Variants in PLA2G6 observed in about 807,000 individuals in gnomAD.
PLA2G6 encodes phospholipase A2 group VI.
Under a neutral mutation model 83.8 loss-of-function variants are expected in PLA2G6, and 62 were observed. The ratio of observed to expected loss-of-function variants is 0.74; its 90% confidence interval spans 0.60 to 0.91. The LOEUF is 0.91. Ranked by LOEUF, PLA2G6 falls within the 40% of genes least tolerant of loss-of-function variation. The probability of loss-of-function intolerance (pLI) is 0.00; values close to 1 mark genes in which losing one functional copy is unlikely to be tolerated. For missense variants in PLA2G6, 944 were observed against 1,102.0 expected, an observed-to-expected ratio of 0.86 and a Z score of 2.03; for synonymous variants, 417 against 449.8, an observed-to-expected ratio of 0.93 and a Z score of 0.92.
chr22:38,112,414 G>A, intron 16 of PLA2G6, 90 bp downstream of exon 16: 1 of 1,515,058 alleles, frequency 6.6e-7, no homozygotes, highest in Non-Finnish European at 9.0e-7. Flanking sequence ...TTGGGGAAGG[G>A]AAAGTCCACA....
rs201801144 is a variant in PLA2G6 at position 38,126,390 on chromosome 22, T to C, written c.1408A>G (p.Met470Val). The C allele has an allele frequency of 4.5e-4, 730 of 1,613,554 alleles. 1 individual carries two copies. Among genetic ancestry groups the C allele is most frequent in the South Asian group, 1.0e-3 (94 of 91,062 alleles). The change falls in exon 10 of 17, where the codon ATG becomes GTG. Residue 470 changes from methionine (M) to valine (V), a missense_variant. Coordinates refer to ENST00000332509, the MANE Select transcript of PLA2G6 (RefSeq NM_003560.4). The part of the protein sequence containing the change: ...ARKPAFILGS[M>V]RDEKRTHDHL... ...ACTTACGTCCGCTTCTCGTCCCTCA[T>C]GGAGCCCAGGATGAACGCTGGCTTC...
chr22:38,153,114 AAATGAAGG>A (rs1212157889), intron 2 of PLA2G6, among the ~76,000 whole-genome samples: 6 of 152,218 alleles, frequency 3.9e-5, no homozygotes, highest in Non-Finnish European at 7.3e-5. Context: ...TTCTGTTATC[AAATGAAGG>A]TGGAGGCAAA....
At chr22:38,144,876 G>A (rs867221566) in intron 3 of PLA2G6, 24 of 177,790 alleles carry the variant, frequency 1.3e-4, no homozygotes, top group African/African-American at 4.3e-4. Flanking sequence ...ATAAAATAAA[G>A]TAAAATAAAA....
In PLA2G6 at chr22:38,143,303, C is replaced by T; in HGVS notation, c.426-15G>A. 1 of 1,608,202 alleles carries T rather than the reference C, an allele frequency of 6.2e-7. No homozygotes were observed. The highest frequency in any genetic ancestry group is 8.5e-7 in the Non-Finnish European group (1 of 1,179,914). On this transcript the variant is annotated splice_polypyrimidine_tract_variant and intron_variant, in intron 3 of 16. Coordinates refer to ENST00000332509, the MANE Select transcript of PLA2G6 (RefSeq NM_003560.4). ...AATTGGCACAGCTGCAGGAGAGGGC[C>T]AGGGTGAGCAGAGGTGAGCAGGTGT...
chr22:38,126,718 G>A, intron 9 of PLA2G6: 1 of 502,536 alleles, frequency 2.0e-6, no homozygotes, highest in Non-Finnish European at 3.7e-6. Flanking sequence ...CAGCTCCCAG[G>A]TTCCCCTCAA....
intron 2 of PLA2G6, among the ~76,000 whole-genome samples, chr22:38,159,124 G>A (rs2089909116): frequency 6.6e-6 from 1 of 152,022 alleles, no homozygotes; most frequent in Admixed American, 6.6e-5. Context: ...GCCAAAAGTT[G>A]GTTCTTTGGA....
chr22:38,113,591 G>T lies in PLA2G6; in HGVS notation c.2098C>A (p.Gln700Lys). ...VVSLGTGRSP[Q>K]VPVTCVDVFR... ...ACATCCACACAGGTCACAGGCACTTGTGGGGACCTCCCTGTCCCCAGGGAG... is the reference window on the plus strand; with the variant it reads ...ACATCCACACAGGTCACAGGCACTTTTGGGGACCTCCCTGTCCCCAGGGAG... The change falls in exon 15 of 17, where the codon CAA becomes AAA. Residue 700 changes from glutamine to lysine, a missense_variant. Physicochemically the swap from Gln to Lys is moderately conservative, Grantham distance 53. Transcript: ENST00000332509. 1 of 1,613,672 alleles carries T rather than the reference G, an allele frequency of 6.2e-7. No homozygotes were observed. Among genetic ancestry groups the T allele is most frequent in the Non-Finnish European group, 8.5e-7 (1 of 1,179,708 alleles).
chr22:38,142,343 G>A (rs1365704190), intron 4 of PLA2G6: 1 of 151,704 alleles, frequency 6.6e-6, no homozygotes, highest in Admixed American at 6.6e-5. Context: ...TGCCTTTTCT[G>A]TTCAATCTAA....
chr22:38,143,029 G>T, intron 4 of PLA2G6, 76 bp downstream of exon 4: 1 of 1,381,324 alleles, frequency 7.2e-7, no homozygotes, highest in South Asian at 1.2e-5. Context: ...AGTGACACCT[G>T]AGCCTAGGGG....
At chr22:38,142,184 A>G (rs4821746) in intron 4 of PLA2G6, 61,598 of 128,950 alleles carry the variant, frequency 0.48, 15,691 homozygotes, top group African/African-American at 0.59. Context: ...GACATAGGGA[A>G]ACTCTGTCTC....
Position 38,129,440 on chromosome 22 carries a change from T to C in PLA2G6, c.1186+14A>G. ...CCCTCACCCCACTCCAGCCCCAGAGTGCAGAGCACATACGTCTGCCGATTT... is the reference window on the plus strand; with the variant it reads ...CCCTCACCCCACTCCAGCCCCAGAGCGCAGAGCACATACGTCTGCCGATTT... On this transcript the variant is annotated intron_variant, in intron 8 of 16. Coordinates refer to ENST00000332509, the MANE Select transcript of PLA2G6 (RefSeq NM_003560.4). 1 of 1,554,166 alleles carries C rather than the reference T, an allele frequency of 6.4e-7. No homozygotes were observed.
rs1448256074 is a variant in PLA2G6 at position 38,112,007 on chromosome 22, A to G, written c.*154T>C. ...TAGTGGGAGACAGGCCTTCAGGACC[A>G]GCCTCGGGCAGGCAGCTTGGCATTC... is the stretch of plus-strand genomic sequence containing the variant. On this transcript the variant is annotated 3_prime_UTR_variant, in exon 17 of 17. Transcript: ENST00000332509. 7.1e-6 allele frequency: 6 copies of G among 843,860 alleles called. No individual in the cohort carries two copies. The highest frequency in any genetic ancestry group is 1.1e-5 in the Non-Finnish European group (6 of 523,270). The allele number at this position is 843,860 out of a possible 1,614,324, so 52.3% of individuals were successfully genotyped here. A position where few individuals can be genotyped will look rare whatever the true frequency, so the allele number is the denominator to read the frequency against.
intron 2 of PLA2G6, among the ~76,000 whole-genome samples, chr22:38,161,623 T>TG (rs968118205): frequency 6.6e-6 from 1 of 152,014 alleles, no homozygotes; most frequent in Non-Finnish European, 1.5e-5. Context: ...TGGCCTTGAA[T>TG]GGGGGGACCA....
intron 2 of PLA2G6, among the ~76,000 whole-genome samples, chr22:38,160,359 T>C (rs949350987): frequency 3.9e-5 from 6 of 152,292 alleles, no homozygotes; most frequent in Non-Finnish European, 8.8e-5. Flanking sequence ...AGTTCACTTC[T>C]AGGTATGTCT....
chr22:38,142,688 G>C (rs747168825), intron 4 of PLA2G6: 2 of 310,048 alleles, frequency 6.5e-6, no homozygotes, highest in African/African-American at 4.3e-5. Context: ...ATTCAAAGCC[G>C]TCCTGGGCTG....
intron 3 of PLA2G6, chr22:38,145,201 T>A (rs1468400304): frequency 1.4e-5 from 8 of 559,456 alleles, no homozygotes; most frequent in Non-Finnish European, 2.2e-5. Context: ...GCTAATTTTT[T>A]AATTTTTTCG....
chr22:38,113,080 A>AC (rs1212641605), intron 15 of PLA2G6, among the ~76,000 whole-genome samples: 1 of 151,754 alleles, frequency 6.6e-6, no homozygotes, highest in African/African-American at 2.4e-5. Flanking sequence ...CTAGTTTTTA[A>AC]TTTTTTGGTA....
intron 5 of PLA2G6, chr22:38,138,477 C>G (rs1267885493): frequency 6.6e-6 from 1 of 152,288 alleles, no homozygotes; most frequent in Non-Finnish European, 1.5e-5. Context: ...CAAGTGCCAG[C>G]CTCCCTGCCT....
In PLA2G6 at chr22:38,116,125, TC is replaced by T; in HGVS notation, c.1828del (p.Glu610SerfsTer56). On this transcript the variant is annotated frameshift_variant, in exon 13 of 17. Transcript: ENST00000332509. LOFTEE classifies it high-confidence loss of function. ...RNYDAPETVR[E>X]PRFNQNVNLR... Reference sequence around the variant, plus strand: ...GTTAACGTTCTGGTTGAAACGAGGCTCCCGGACAGTTTCTGGAGCATCGTAG... The same window carrying T: ...GTTAACGTTCTGGTTGAAACGAGGCTCCGGACAGTTTCTGGAGCATCGTAG... 1 of 1,613,930 alleles carries T rather than the reference TC, an allele frequency of 6.2e-7. No homozygotes were observed. Among genetic ancestry groups the T allele is most frequent in the Non-Finnish European group, 8.5e-7 (1 of 1,179,960 alleles).
Sources: gnomAD v4.1 joint callset for allele counts (sites outside exome capture counted in the v4.1 genomes callset) on GRCh38, gnomAD v4.1.1 for gene constraint, MANE v1.5 for transcripts, NCBI Gene and HGNC (gene_info 2026-07-23, HGNC 2026-07-21) for gene names.